The following CACNA1F variants were observed in gnomAD, a reference collection of about 807,000 sequenced individuals.
CACNA1F encodes the protein voltage-dependent L-type calcium channel subunit alpha-1F.
In CACNA1F, 59 loss-of-function variants were observed where a neutral mutation model predicts 143.8. The ratio of observed to expected loss-of-function variants is 0.41; its 90% CI spans 0.33 to 0.51. The LOEUF (loss-of-function observed/expected upper bound fraction) is 0.51. Ranked by LOEUF, CACNA1F falls within the 20% of genes least tolerant of loss-of-function variation. The probability of loss-of-function intolerance (pLI) is 0.22; values close to 1 mark genes in which losing one functional copy is unlikely to be tolerated. For missense variants in CACNA1F, 1,411 were observed against 1,647.5 expected (o/e 0.86, Z 2.48); for synonymous variants, 643 against 649.1 (o/e 0.99, Z 0.14).
rs1391903604 is a variant in CACNA1F at position 49,231,909 on chromosome X, C to T, written c.44G>A (p.Ser15Asn). 2.6e-6 allele frequency: 3 copies of T among 1,176,070 alleles called. No individual in the cohort carries two copies. Among genetic ancestry groups the T allele is most frequent in the African/African-American group, 1.8e-5 (1 of 56,555 alleles). Residue 15 changes from serine to asparagine, a missense_variant, in exon 2 of 48, where the codon AGT (serine) becomes AAT (asparagine). By Grantham distance (46) the Ser-to-Asn change is conservative (BLOSUM62 1). Coordinates refer to ENST00000323022, the MANE Select transcript of CACNA1F (RefSeq NM_001256789.3). ...ACCAGGGCCTGCCCCATTGGCTGGA[C>T]TGGGCTCTGGGGTGGTGTCTATATG... ...EGGKDTTPEP[S>N]PANGAGPGPE...
rs141623820 is a variant in CACNA1F, at chrX:49,215,524, C to T, written c.3256G>A (p.Asp1086Asn). 274 of 1,195,771 alleles carry T rather than the reference C, an allele frequency of 2.3e-4. No individual in the cohort carries two copies. Among genetic ancestry groups the T allele is most frequent in the Non-Finnish European group, 3.0e-4 (266 of 886,637 alleles). Residue 1086 changes from aspartate (D) to asparagine (N), a missense_variant, in exon 28 of 48, where the codon GAT becomes AAT. Asp to Asn is a conservative substitution (Grantham distance 23). Transcript: ENST00000323022. ...GGGCCGTGGTCCTCTGCATATGCAT[C>T]GATGGCCTTGTATAGCAGTCTGTGG... ...GWPALLYKAI[D>N]AYAEDHGPIY...
Position 49,218,646 on chromosome X carries a change from G to A in CACNA1F, c.2823C>T (p.Leu941=). The A allele has an allele frequency of 2.5e-6, 3 of 1,202,821 alleles. No individual in the cohort carries two copies. In the South Asian group the frequency reaches 5.4e-5, roughly 22 times the overall value. ...MLDLLVVSVS[L]ISFGIHSSAI... ...TCACTTACTGGATGCCAAAGGAGAT[G>A]AGGGACACACTGACCACCAGCAGAT... The change falls in exon 23 of 48, where the codon CTC becomes CTT. Residue 941 remains leucine (L), a synonymous_variant. Transcript: ENST00000323022.
Position 49,222,968 on chromosome X carries a change from G to T in CACNA1F, c.2046C>A (p.Thr682=). Residue 682 remains threonine (T), a synonymous_variant, in exon 15 of 48, where the codon ACC becomes ACA. Coordinates refer to ENST00000323022, the MANE Select transcript of CACNA1F (RefSeq NM_001256789.3). ...NFDQTHTKRS[T]FDTFPQALLT... ...GGAGGGCCTGGGGGAACGTGTCAAA[G>T]GTGCTTCGCTTGGTGTGGGTCTGGT... The T allele has an allele frequency of 2.5e-6, 3 of 1,195,962 alleles. No individual in the cohort carries two copies. Among genetic ancestry groups the T allele is most frequent in the Non-Finnish European group, 3.4e-6 (3 of 887,209 alleles).
chrX:49,216,296 C>T, intron 27 of CACNA1F, 86 bp downstream of exon 27: 4 of 1,014,241 alleles, frequency 3.9e-6, no homozygotes, highest in South Asian at 2.0e-5. Flanking sequence ...CCAAGGTACA[C>T]TCCCACCCAT....
In CACNA1F at chrX:49,231,866, G is replaced by A; in HGVS notation, c.87C>T (p.Cys29=). The change falls in exon 2 of 48, where the codon TGC becomes TGT. Residue 29 remains cysteine, a synonymous_variant. Coordinates refer to ENST00000323022, the MANE Select transcript of CACNA1F (RefSeq NM_001256789.3). The part of the protein sequence containing the change: ...GAGPGPEWGL[C]PGPPAVEGES... The stretch of plus-strand genomic sequence containing the variant: ...CACCTTCCACAGCTGGGGGCCCGGG[G>A]CACAGCCCCCATTCGGGACCAGGGC... 8.4e-7 allele frequency: 1 copy of A among 1,184,886 alleles called. No homozygotes were observed. Among genetic ancestry groups the A allele is most frequent in the Non-Finnish European group, 1.1e-6 (1 of 881,347 alleles).
In CACNA1F at chrX:49,226,421, C is replaced by T; in HGVS notation, c.1451G>A (p.Cys484Tyr). 1 of 1,184,810 alleles carries T rather than the reference C, an allele frequency of 8.4e-7. No individual in the cohort carries two copies. The highest frequency in any genetic ancestry group is 1.1e-6 in the Non-Finnish European group (1 of 881,379). Residue 484 changes from cysteine to tyrosine, a missense_variant, in exon 11 of 48, where the codon TGT becomes TAT. This residue lies in a region of CACNA1F where 950 missense variants were observed against 1,128.1 expected (regional missense o/e 0.84). Coordinates refer to ENST00000323022, the MANE Select transcript of CACNA1F (RefSeq NM_001256789.3). ...EDEEEGALASCTRCLNKIMKT... is the reference protein window; with the variant it reads ...EDEEEGALASYTRCLNKIMKT... The stretch of plus-strand genomic sequence containing the variant: ...TGGGGGCCCTCACAGGCAGCGTGTA[C>T]AGCTGGCCAGAGCCCCCTCCTCCTC...
chrX:49,230,180 G>T lies in CACNA1F; in HGVS notation c.817+40C>A, dbSNP rs192441269. ...GCAGCATTGGATCTAGGAACCGAAG[G>T]AGGGGGCATGTTCTGCCTAGGAGGG... is the stretch of plus-strand genomic sequence containing the variant. On this transcript the variant is annotated intron_variant, in intron 6 of 47. Transcript: ENST00000323022. 459 of 1,147,584 alleles carry T rather than the reference G, an allele frequency of 4.0e-4. 2 individuals carry two copies. In the African/African-American group the frequency reaches 7.2e-3, roughly 18 times the overall value. 94.6% of individuals were successfully genotyped at this position (1,147,584 alleles called of 1,213,427 possible). A position where few individuals can be genotyped will look rare whatever the true frequency, so the allele number is the denominator to read the frequency against.
At chrX:49,223,843 T>G (rs1302214479) in intron 14 of CACNA1F, among the ~76,000 whole-genome samples, 1 of 105,940 alleles carries the variant, frequency 9.4e-6, no homozygotes, top group Non-Finnish European at 1.9e-5. Context: ...GCGATTCTCC[T>G]GCCTCAGCCT....
chrX:49,219,529 C>T, intron 20 of CACNA1F, 79 bp from the exon 21 acceptor site: 1 of 1,178,614 alleles, frequency 8.5e-7, no homozygotes, highest in African/African-American at 1.8e-5. Context: ...CAGTTCTGGC[C>T]CTGACACAAC....
chrX:49,210,583 C>A lies in CACNA1F; in HGVS notation c.4485+7G>T, dbSNP rs782126149. ...TCAGGAGCCTGGGGGTGGGCAGGTGCACAGACCTTGCAGGCCACTCGGTGT... is the reference window on the plus strand; with the variant it reads ...TCAGGAGCCTGGGGGTGGGCAGGTGAACAGACCTTGCAGGCCACTCGGTGT... On this transcript the variant is annotated splice_region_variant and intron_variant, in intron 38 of 47. Transcript: ENST00000323022. The A allele has an allele frequency of 8.3e-7, 1 of 1,203,878 alleles. No individual in the cohort carries two copies. Among genetic ancestry groups the A allele is most frequent in the East Asian group, 3.0e-5 (1 of 33,818 alleles).
Position 49,212,981 on chromosome X carries a change from A to G in CACNA1F, c.3806T>C (p.Leu1269Pro). The change falls in exon 32 of 48, where the codon CTT becomes CCT. Residue 1269 changes from leucine (L) to proline (P), a missense_variant. Coordinates refer to ENST00000323022, the MANE Select transcript of CACNA1F (RefSeq NM_001256789.3). ...GTTATTAGGGTGGGCTACCTCGCCA[A>G]GGTGGCCACCATTCTGGAGGGAGAT... ...AVTEVNNGGH[L>P]GESSEDSSRI... 1 of 1,204,968 alleles carries G rather than the reference A, an allele frequency of 8.3e-7. No individual in the cohort carries two copies. The highest frequency in any genetic ancestry group is 1.8e-5 in the South Asian group (1 of 55,860).
chrX:49,220,990 T>A (rs782663688), intron 18 of CACNA1F, 45 bp downstream of exon 18: 2 of 1,025,271 alleles, frequency 2.0e-6, no homozygotes, highest in African/African-American at 3.7e-5. Context: ...AGACAGGTAG[T>A]GGTGGGAGTG....
intron 13 of CACNA1F, among the ~76,000 whole-genome samples, chrX:49,225,563 T>A (rs2065815304): frequency 9.0e-6 from 1 of 111,553 alleles, no homozygotes; most frequent in Non-Finnish European, 1.9e-5. Flanking sequence ...GGGTTCTAAT[T>A]CTGGCTCTGC....
chrX:49,224,974 T>A lies in CACNA1F; in HGVS notation c.1664A>T (p.Lys555Ile). The part of the protein sequence containing the change: ...WLTQIQEYAN[K>I]VLLCLFTVEM... ...CACCGTGAACAGACAGAGCAACACT[T>A]TGTTGGCATACTCTGTGGGGAGAGA... The change falls in exon 14 of 48, where the codon AAA becomes ATA. Residue 555 changes from lysine to isoleucine, a missense_variant. Lys to Ile is a moderately radical substitution (Grantham distance 102). Coordinates refer to ENST00000323022, the MANE Select transcript of CACNA1F (RefSeq NM_001256789.3). The A allele has an allele frequency of 8.5e-7, 1 of 1,183,142 alleles. No homozygotes were observed. The highest frequency in any genetic ancestry group is 1.1e-6 in the Non-Finnish European group (1 of 872,231).
intron 36 of CACNA1F, 113 bp downstream of exon 36, chrX:49,211,209 C>T: frequency 9.1e-7 from 1 of 1,099,202 alleles, no homozygotes; most frequent in South Asian, 1.9e-5. Flanking sequence ...ATCTTGTCAT[C>T]AGACCAGCCC....
At chrX:49,230,670 C>A in intron 4 of CACNA1F, 61 bp from the exon 5 acceptor site, 1 of 1,120,318 alleles carries the variant, frequency 8.9e-7, no homozygotes, top group Non-Finnish European at 1.2e-6. Flanking sequence ...CCCCTCCACC[C>A]TAACCTTCTC....
In CACNA1F at chrX:49,230,944, C is replaced by G; in HGVS notation, c.427G>C (p.Val143Leu). Residue 143 changes from valine to leucine, a missense_variant, in exon 4 of 48, where the codon GTG becomes CTG. Val to Leu is a conservative substitution (Grantham distance 32). This residue lies in a region of CACNA1F where 950 missense variants were observed against 1,128.1 expected (regional missense o/e 0.84). Transcript: ENST00000323022. ...VFLVIFTVET[V>L]LKIVAYGLVL... The stretch of plus-strand genomic sequence containing the variant: ...AGCCCGTAGGCCACGATCTTGAGCA[C>G]CGTCTCCACAGTGAAAATCACCAGG... The G allele has an allele frequency of 8.3e-7, 1 of 1,198,771 alleles. No individual in the cohort carries two copies. The highest frequency in any genetic ancestry group is 1.1e-6 in the Non-Finnish European group (1 of 887,450).
intron 25 of CACNA1F, 42 bp from the exon 26 acceptor site, chrX:49,217,849 C>T (rs782391832): frequency 1.1e-5 from 13 of 1,187,787 alleles, no homozygotes; most frequent in African/African-American, 7.1e-5. Context: ...CCCTTCATCA[C>T]ACTCCCGCCC....
At chrX:49,210,824 G>A (rs1165472812) in intron 37 of CACNA1F, 138 bp from the exon 38 acceptor site, 1 of 838,759 alleles carries the variant, frequency 1.2e-6, no homozygotes, top group Non-Finnish European at 1.7e-6. Flanking sequence ...AGTCAGAGAG[G>A]GCAGAGGATG....
Sources: allele counts gnomAD v4.1 joint callset (sites outside exome capture counted in the v4.1 genomes callset), GRCh38; gene constraint gnomAD v4.1.1; regional missense constraint gnomAD v4.1.1; transcripts MANE v1.5; gene names NCBI Gene and HGNC (gene_info 2026-07-23, HGNC 2026-07-21).